Variants in MYO5B observed in about 807,000 individuals in gnomAD.
MYO5B encodes myosin VB.
MYO5B carries 143 observed loss-of-function variants against 229.3 expected under a neutral mutation model. That is an observed-to-expected ratio of 0.62 (90% CI 0.54 to 0.72). The LOEUF is 0.72. MYO5B is among the 30% of genes least tolerant of loss of function. The pLI, the probability that MYO5B is intolerant of heterozygous loss-of-function variation, is 0.00. For synonymous variants in MYO5B, 918 were observed against 885.2 expected (o/e 1.04, Z -0.66); for missense variants, 2,321 against 2,331.0 (o/e 1.00, Z 0.09).
chr18:50,091,791 G>T lies in MYO5B; in HGVS notation c.28-36413C>A, dbSNP rs570003214. On this transcript the variant is annotated intron_variant, in intron 1 of 39. Coordinates refer to ENST00000285039, the MANE Select transcript of MYO5B (RefSeq NM_001080467.3). ...CTTCTACAGATTTAAATGCCTATTT[G>T]TAATATATAGGCTTGCACTGAAAAT... is the stretch of plus-strand genomic sequence containing the variant. 1.8e-4 allele frequency among the ~76,000 whole-genome samples: 27 copies of T among 152,314 alleles called. No individual in the cohort carries two copies. The South Asian group carries it at 5.6e-3, about 32-fold the overall frequency.
intron 2 of MYO5B, among the ~76,000 whole-genome samples, chr18:50,047,988 A>C (rs1344766192): frequency 6.6e-6 from 1 of 151,720 alleles, no homozygotes; most frequent in Non-Finnish European, 1.5e-5. Flanking sequence ...TACCTAATGT[A>C]AATGACCAGT....
intron 1 of MYO5B, among the ~76,000 whole-genome samples, chr18:50,056,531 T>C (rs1165478534): frequency 1.3e-5 from 2 of 152,220 alleles, no homozygotes; most frequent in East Asian, 3.8e-4. Flanking sequence ...ATCTGGCTTC[T>C]TTGGCCATAG....
At position 50,040,186 on chromosome 18, in the gene MYO5B, C is replaced by T. The variant is rs1479578397; in HGVS notation, c.267G>A (p.Leu89=). The part of the protein sequence containing the change: ...YLHEPAVLHN[L]KVRFLESNHI... ...GGTTGGACTCCAGGAAACGGACCTT[C>T]AAATTATGCAAAACTGCAGGCTCAT... Residue 89 remains leucine (L), a synonymous_variant, in exon 3 of 40, where the codon TTG becomes TTA. Transcript: ENST00000285039. 6.2e-7 allele frequency: 1 copy of T among 1,614,086 alleles called. No individual in the cohort carries two copies.
In MYO5B at chr18:49,963,008, T is replaced by C; in HGVS notation, c.1345A>G (p.Ser449Gly). The C allele has an allele frequency of 6.2e-7, 1 of 1,614,062 alleles. No individual in the cohort carries two copies. Residue 449 changes from serine (S) to glycine (G), a missense_variant, in exon 11 of 40, where the codon AGC becomes GGC. Physicochemically the swap from Ser to Gly is moderately conservative, Grantham distance 56. Coordinates refer to ENST00000285039, the MANE Select transcript of MYO5B (RefSeq NM_001080467.3). ...TAGTTGATACAGAACTGCTCAAAGC[T>C]GTTTACCTCAAATGTCTCAAACCTA... The part of the protein sequence containing the change: ...IYGFETFEVN[S>G]FEQFCINYAN...
chr18:50,027,174 T>G (rs902318422), intron 4 of MYO5B, among the ~76,000 whole-genome samples: 25 of 152,322 alleles, frequency 1.6e-4, no homozygotes, highest in African/African-American at 6.0e-4. Context: ...TTCTATTAGC[T>G]TTTTTTAAAT....
At chr18:50,067,162 C>A (rs1227643501) in intron 1 of MYO5B, among the ~76,000 whole-genome samples, 1 of 152,138 alleles carries the variant, frequency 6.6e-6, no homozygotes, top group Non-Finnish European at 1.5e-5. Context: ...AGGGGGAATT[C>A]ATCTTAATGA....
Position 50,195,016 on chromosome 18 carries a change from G to C in MYO5B, c.-223C>G. ...GCGGCGGCGCAGCTACGGCCGGACA[G>C]GAGTTGCGAGCGCCGGGGGAGGAGG... On this transcript the variant is annotated 5_prime_UTR_variant, in exon 1 of 40. Transcript: ENST00000285039. 2.0e-6 allele frequency: 1 copy of C among 498,508 alleles called. No homozygotes were observed. The highest frequency in any genetic ancestry group is 3.0e-6 in the Non-Finnish European group (1 of 329,844). The allele number at this position is 498,508 out of a possible 1,614,324, so 30.9% of individuals were successfully genotyped here.
At chr18:49,853,765 C>A in intron 30 of MYO5B, 118 bp from the exon 31 acceptor site, 1 of 907,370 alleles carries the variant, frequency 1.1e-6, no homozygotes, top group Non-Finnish European at 1.7e-6. Context: ...GGTTGCACAT[C>A]CCCCAGAGGG....
chr18:49,905,991 C>T (rs906763208), intron 19 of MYO5B, among the ~76,000 whole-genome samples: 3 of 152,188 alleles, frequency 2.0e-5, no homozygotes, highest in African/African-American at 7.2e-5. Context: ...CCTCCCAGGA[C>T]CTTTGCAGCC....
chr18:49,923,965 C>T (rs1809293642), intron 17 of MYO5B, among the ~76,000 whole-genome samples: 1 of 152,184 alleles, frequency 6.6e-6, no homozygotes, highest in African/African-American at 2.4e-5. Flanking sequence ...CTCCAGACCT[C>T]TGCACTGTAC....
intron 32 of MYO5B, among the ~76,000 whole-genome samples, chr18:49,849,352 C>A (rs2024170499): frequency 6.6e-6 from 1 of 152,222 alleles, no homozygotes; most frequent in African/African-American, 2.4e-5. Context: ...AGCACCCAAA[C>A]TGGCTGAATT....
At chr18:49,896,932 A>G (rs2024785387) in intron 21 of MYO5B, among the ~76,000 whole-genome samples, 2 of 152,164 alleles carry the variant, frequency 1.3e-5, no homozygotes, top group Admixed American at 1.3e-4. Flanking sequence ...ACAGGAATAT[A>G]ATAGTAACTC....
intron 1 of MYO5B, among the ~76,000 whole-genome samples, chr18:50,055,830 A>G (rs2030535366): frequency 6.6e-6 from 1 of 152,176 alleles, no homozygotes; most frequent in Non-Finnish European, 1.5e-5. Context: ...AGAAAAAGTC[A>G]TTTTCCTGCA....
chr18:49,863,412 C>T (rs2024355321), intron 28 of MYO5B, 85 bp from the exon 29 acceptor site: 1 of 1,189,002 alleles, frequency 8.4e-7, no homozygotes, highest in South Asian at 1.3e-5. Context: ...AAAAACATGC[C>T]TTTGGGAAAA....
chr18:49,836,593 G>A (rs1385122835), intron 38 of MYO5B, 118 bp downstream of exon 38: 3 of 1,180,348 alleles, frequency 2.5e-6, no homozygotes, highest in African/African-American at 3.0e-5. Flanking sequence ...TGTCTCATTA[G>A]GGGTATATAA....
At chr18:50,137,249 A>G (rs1216882420) in intron 1 of MYO5B, among the ~76,000 whole-genome samples, 1 of 152,246 alleles carries the variant, frequency 6.6e-6, no homozygotes, top group Non-Finnish European at 1.5e-5. Flanking sequence ...TATCTACCAA[A>G]AGGGAAAATC....
At chr18:50,122,685 G>C (rs1051605387) in intron 1 of MYO5B, among the ~76,000 whole-genome samples, 3 of 94,958 alleles carry the variant, frequency 3.2e-5, no homozygotes, top group African/African-American at 1.2e-4. Context: ...GAGAGAGAGA[G>C]ACTGACTGCA....
intron 19 of MYO5B, among the ~76,000 whole-genome samples, chr18:49,906,095 C>T (rs932561480): frequency 6.6e-6 from 1 of 152,102 alleles, no homozygotes; most frequent in Non-Finnish European, 1.5e-5. Flanking sequence ...GGTCTCTTTT[C>T]CTAAAAGGAG....
intron 14 of MYO5B, among the ~76,000 whole-genome samples, chr18:49,943,349 A>G (rs531214533): frequency 5.9e-4 from 90 of 152,228 alleles, no homozygotes; most frequent in Non-Finnish European, 1.0e-3. Context: ...CCTAAAACTT[A>G]AAGTATAATT....
Sources: gnomAD v4.1 joint callset for allele counts (sites outside exome capture counted in the v4.1 genomes callset) on GRCh38, gnomAD v4.1.1 for gene constraint, MANE v1.5 for transcripts, NCBI Gene and HGNC (gene_info 2026-07-23, HGNC 2026-07-21) for gene names.